ZNF714: variants seen among roughly 807,000 people sequenced by gnomAD.
The protein encoded by ZNF714 is zinc finger protein 714.
ZNF714 carries 32 observed loss-of-function variants against 46.2 expected under a neutral mutation model. That is an observed-to-expected ratio of 0.69 (90% CI 0.52 to 0.93). ZNF714 has a LOEUF of 0.93. ZNF714 is among the 40% of genes least tolerant of loss of function. The pLI is 0.00. For synonymous variants in ZNF714, 199 were observed against 213.1 expected (o/e 0.93, Z 0.58); for missense variants, 635 against 646.3 (o/e 0.98, Z 0.19).
intron 4 of ZNF714, among the ~76,000 whole-genome samples, chr19:21,106,200 A>C (rs1226258435): frequency 6.6e-6 from 1 of 152,012 alleles, no homozygotes; most frequent in Non-Finnish European, 1.5e-5. Flanking sequence ...GATTTCAGTG[A>C]GCCGAGGTCG....
rs1419620368 is a variant in ZNF714 at position 21,122,788 on chromosome 19, T to C, written c.*4456T>C. On this transcript the variant is annotated 3_prime_UTR_variant, in exon 5 of 5. Transcript: ENST00000456283. ...TATTTTGTAGATTTTGATGACAAAA[T>C]TCTATTTTTAGTGCACTTAAAAATG... The C allele has an allele frequency of 6.6e-6, 1 of 152,166 alleles. No individual in the cohort carries two copies. Among genetic ancestry groups the C allele is most frequent in the Non-Finnish European group, 1.5e-5 (1 of 68,034 alleles). 9.4% of individuals were successfully genotyped at this position (152,166 alleles called of 1,614,324 possible).
Position 21,123,499 on chromosome 19 carries a change from C to A in ZNF714, c.*5167C>A, listed in dbSNP as rs1379602289. 6.6e-6 allele frequency among the ~76,000 whole-genome samples: 1 copy of A among 152,022 alleles called. No individual in the cohort carries two copies. The highest frequency in any genetic ancestry group is 2.4e-5 in the African/African-American group (1 of 41,402). ...CCTCCCGAGTAGCTGGGACTACAGGCGCCCGCTACCGCACCCGTCTAATTT... is the reference window on the plus strand; with the variant it reads ...CCTCCCGAGTAGCTGGGACTACAGGAGCCCGCTACCGCACCCGTCTAATTT... On this transcript the variant is annotated 3_prime_UTR_variant, in exon 5 of 5. Coordinates refer to ENST00000456283, the MANE Select transcript of ZNF714 (RefSeq NM_182515.4).
intron 2 of ZNF714, among the ~76,000 whole-genome samples, chr19:21,085,234 A>G (rs1263920222): frequency 6.6e-6 from 1 of 152,192 alleles, no homozygotes; most frequent in Non-Finnish European, 1.5e-5. Context: ...AGATTCATGA[A>G]AACATCAGTT....
At chr19:21,101,385 A>T (rs569217403) in intron 4 of ZNF714, among the ~76,000 whole-genome samples, 78 of 152,122 alleles carry the variant, frequency 5.1e-4, no homozygotes, top group Non-Finnish European at 1.0e-3. Context: ...CCACCTTTAG[A>T]TGGTTTGTTA....
rs375833603 is a variant in ZNF714, at chr19:21,118,004, A to G, written c.1340A>G (p.His447Arg). The G allele has an allele frequency of 1.3e-5, 21 of 1,613,706 alleles. No individual in the cohort carries two copies. Among genetic ancestry groups the G allele is most frequent in the Middle Eastern group, 3.3e-4 (2 of 6,084 alleles). ...SSNLTTHKRIHTGEKPYKCEE... is the reference protein window; with the variant it reads ...SSNLTTHKRIRTGEKPYKCEE... Reference sequence around the variant, plus strand: ...AACCTTACTACACATAAGAGAATTCACACTGGAGAGAAACCCTACAAATGT... The same window carrying G: ...AACCTTACTACACATAAGAGAATTCGCACTGGAGAGAAACCCTACAAATGT... Residue 447 changes from histidine to arginine, a missense_variant, in exon 5 of 5, where the codon CAC (histidine) becomes CGC (arginine). Physicochemically the swap from His to Arg is conservative, Grantham distance 29. Coordinates refer to ENST00000456283, the MANE Select transcript of ZNF714 (RefSeq NM_182515.4).
intron 4 of ZNF714, among the ~76,000 whole-genome samples, chr19:21,101,758 C>T (rs1969186097): frequency 6.6e-6 from 1 of 152,180 alleles, no homozygotes; most frequent in Non-Finnish European, 1.5e-5. Flanking sequence ...TAGACTGTAA[C>T]TGGGAGGAGT....
rs113406981 is a variant in ZNF714 at position 21,088,383 on chromosome 19, G to A, written c.-85+4314G>A. Among the ~76,000 whole-genome samples, 155 of 151,932 alleles carry A rather than the reference G, an allele frequency of 1.0e-3. 1 individual carries two copies. The highest frequency in any genetic ancestry group is 3.2e-3 in the African/African-American group (133 of 41,406). On this transcript the variant is annotated intron_variant, in intron 2 of 4. Transcript: ENST00000456283. ...TTCTTTATAACCTTTGTATATTTAG[G>A]GGGCATGGCTAATTCCATATGTCCC...
At position 21,096,539 on chromosome 19, in the gene ZNF714, T is replaced by C. The variant is rs116340980; in HGVS notation, c.-84-1646T>C. 7.2e-4 allele frequency among the ~76,000 whole-genome samples: 110 copies of C among 152,362 alleles called. 1 individual carries two copies. The highest frequency in any genetic ancestry group is 2.6e-3 in the African/African-American group (108 of 41,588). On this transcript the variant is annotated intron_variant, in intron 2 of 4. Coordinates refer to ENST00000456283, the MANE Select transcript of ZNF714 (RefSeq NM_182515.4). Reference sequence around the variant, plus strand: ...CCCTCCCCAATGATTTTGTTTCACATACTTTTAAAAATTCTTGTGATAGTC... The same window carrying C: ...CCCTCCCCAATGATTTTGTTTCACACACTTTTAAAAATTCTTGTGATAGTC...
chr19:21,082,426 T>G (rs1968673832), intron 1 of ZNF714, 78 bp downstream of exon 1: 2 of 1,360,520 alleles, frequency 1.5e-6, no homozygotes, highest in Admixed American at 1.9e-5. Flanking sequence ...GTGGTGGGAC[T>G]TAGGCCTCCC....
At position 21,098,926 on chromosome 19, in the gene ZNF714, C is replaced by T; in HGVS notation, c.142+16C>T. On this transcript the variant is annotated intron_variant, in intron 4 of 4. Coordinates refer to ENST00000456283, the MANE Select transcript of ZNF714 (RefSeq NM_182515.4). Reference sequence around the variant, plus strand: ...GAATCCCCAGGTAGGTGAGAGTGAACACAACAGATGACACAGATGAGAGGT... The same window carrying T: ...GAATCCCCAGGTAGGTGAGAGTGAATACAACAGATGACACAGATGAGAGGT... The T allele has an allele frequency of 1.5e-6, 2 of 1,330,324 alleles. No homozygotes were observed. The highest frequency in any genetic ancestry group is 2.1e-6 in the Non-Finnish European group (2 of 944,714). 82.4% of individuals were successfully genotyped at this position (1,330,324 alleles called of 1,614,324 possible). A position where few individuals can be genotyped will look rare whatever the true frequency, so the allele number is the denominator to read the frequency against.
Position 21,118,451 on chromosome 19 carries a change from C to CAAAAAAAA in ZNF714, c.*129_*136dup, listed in dbSNP as rs71176814. 10 of 165,356 alleles carry CAAAAAAAA rather than the reference C, an allele frequency of 6.0e-5. No individual in the cohort carries two copies. Among genetic ancestry groups the CAAAAAAAA allele is most frequent in the African/African-American group, 3.2e-4 (10 of 31,220 alleles). The allele number at this position is 165,356 out of a possible 1,614,324, so 10.2% of individuals were successfully genotyped here. A position where few individuals can be genotyped will look rare whatever the true frequency, so the allele number is the denominator to read the frequency against. Reference sequence around the variant, plus strand: ...TGGGCCACAAGGCAAGACTCTGTCTCAAAAAAAAAAAAAAAAAGAAAAGAA... The same window carrying CAAAAAAAA: ...TGGGCCACAAGGCAAGACTCTGTCTCAAAAAAAAAAAAAAAAAAAAAAAAAGAAAAGAA... On this transcript the variant is annotated 3_prime_UTR_variant, in exon 5 of 5. Coordinates refer to ENST00000456283, the MANE Select transcript of ZNF714 (RefSeq NM_182515.4).
At chr19:21,112,183 G>A (rs1969462523) in intron 4 of ZNF714, among the ~76,000 whole-genome samples, 2 of 152,072 alleles carry the variant, frequency 1.3e-5, no homozygotes, top group Non-Finnish European at 1.5e-5. Flanking sequence ...TTGTACCTCT[G>A]GTAGAATTTA....
intron 2 of ZNF714, among the ~76,000 whole-genome samples, chr19:21,095,266 T>A (rs1969008914): frequency 6.6e-6 from 1 of 152,124 alleles, no homozygotes; most frequent in African/African-American, 2.4e-5. Context: ...TTTCCTAGGT[T>A]CCTATTCCCA....
At chr19:21,107,938 G>A (rs73024645) in intron 4 of ZNF714, among the ~76,000 whole-genome samples, 11,885 of 152,050 alleles carry the variant, frequency 0.078, 517 homozygotes, top group Non-Finnish European at 0.086. Context: ...ATTTATTGTC[G>A]TTTTGAGACA....
At chr19:21,115,255 C>T (rs1451717382) in intron 4 of ZNF714, among the ~76,000 whole-genome samples, 3 of 146,458 alleles carry the variant, frequency 2.0e-5, no homozygotes, top group Non-Finnish European at 4.6e-5. Flanking sequence ...TATTCTTTTA[C>T]CTTTCAAATT....
intron 2 of ZNF714, among the ~76,000 whole-genome samples, chr19:21,087,631 A>G (rs1968814242): frequency 6.6e-6 from 1 of 152,194 alleles, no homozygotes. Context: ...GTGCTTTAAG[A>G]GAAACCTGTT....
rs1253021885 is a variant in ZNF714 at position 21,119,545 on chromosome 19, C to G, written c.*1213C>G. ...TTTGTAGAGGAAAAACTCTGAAGCACTTTCACACTTTGTTCAATATCAGGG... is the reference window on the plus strand; with the variant it reads ...TTTGTAGAGGAAAAACTCTGAAGCAGTTTCACACTTTGTTCAATATCAGGG... On this transcript the variant is annotated 3_prime_UTR_variant, in exon 5 of 5. Coordinates refer to ENST00000456283, the MANE Select transcript of ZNF714 (RefSeq NM_182515.4). 6.6e-6 allele frequency: 1 copy of G among 152,500 alleles called. No individual in the cohort carries two copies. Among genetic ancestry groups the G allele is most frequent in the Non-Finnish European group, 1.5e-5 (1 of 68,248 alleles). 9.4% of individuals were successfully genotyped at this position (152,500 alleles called of 1,614,324 possible).
At chr19:21,090,475 G>A (rs1395939646) in intron 2 of ZNF714, among the ~76,000 whole-genome samples, 5 of 152,282 alleles carry the variant, frequency 3.3e-5, no homozygotes, top group African/African-American at 1.2e-4. Context: ...AATCCAAAGA[G>A]AATAGCAATG....
At chr19:21,085,942 A>T (rs1331042774) in intron 2 of ZNF714, among the ~76,000 whole-genome samples, 1 of 152,186 alleles carries the variant, frequency 6.6e-6, no homozygotes, top group South Asian at 2.1e-4. Flanking sequence ...AACTATAAAA[A>T]TTTTAAGGAT....
Sources: gnomAD v4.1 joint callset for allele counts (sites outside exome capture counted in the v4.1 genomes callset) on GRCh38, gnomAD v4.1.1 for gene constraint, MANE v1.5 for transcripts, NCBI Gene and HGNC (gene_info 2026-07-23, HGNC 2026-07-21) for gene names.